Variants in ADCY3 observed in about 807,000 individuals in gnomAD.
ADCY3 encodes the protein adenylate cyclase 3, also known as adenylate cyclase type 3.
Under a neutral mutation model 119.4 loss-of-function variants are expected in ADCY3, and 70 were observed. That is an observed-to-expected ratio of 0.59 (90% confidence interval 0.48 to 0.72). The LOEUF is 0.72. ADCY3 is among the 30% of genes least tolerant of loss of function. The pLI is 0.00. For synonymous variants in ADCY3, 672 were observed against 621.4 expected, an observed-to-expected ratio of 1.08 and a Z score of -1.21; for missense variants, 1,238 against 1,541.6, an observed-to-expected ratio of 0.80 and a Z score of 3.30.
chr2:24,821,171 T>C, intron 20 of ADCY3: 2 of 437,980 alleles, frequency 4.6e-6, no homozygotes, highest in South Asian at 5.9e-5. Context: ...GCAGGTGATC[T>C]TAACTCCTTT....
At chr2:24,843,663 TG>T (rs2148596540) in intron 3 of ADCY3, among the ~76,000 whole-genome samples, 1 of 152,318 alleles carries the variant, frequency 6.6e-6, no homozygotes, top group African/African-American at 2.4e-5. Context: ...TGCCGGTCTC[TG>T]GAACAGGGAA....
intron 8 of ADCY3, among the ~76,000 whole-genome samples, chr2:24,838,123 T>C (rs1317509459): frequency 1.4e-5 from 2 of 140,812 alleles, no homozygotes; most frequent in African/African-American, 5.3e-5. Context: ...CTTCACTCAC[T>C]TCCTCCATGC....
chr2:24,900,921 TG>T (rs1287864095), intron 2 of ADCY3, among the ~76,000 whole-genome samples: 1 of 152,012 alleles, frequency 6.6e-6, no homozygotes, highest in African/African-American at 2.4e-5. Flanking sequence ...AAAAATCAGC[TG>T]GGCGTGGTAG....
chr2:24,868,565 T>C (rs1008678276), intron 3 of ADCY3, among the ~76,000 whole-genome samples: 1 of 151,108 alleles, frequency 6.6e-6, no homozygotes, highest in Admixed American at 6.6e-5. Context: ...ACTCAGGAGG[T>C]AGAGGTTGCA....
At chr2:24,855,194 C>T (rs1445575750) in intron 3 of ADCY3, among the ~76,000 whole-genome samples, 2 of 152,112 alleles carry the variant, frequency 1.3e-5, no homozygotes, top group Non-Finnish European at 2.9e-5. Flanking sequence ...CCCAGGTCCC[C>T]CCCACCCCCT....
intron 21 of ADCY3, 119 bp from the exon 22 acceptor site, chr2:24,820,233 C>A: frequency 8.3e-7 from 1 of 1,204,354 alleles, no homozygotes; most frequent in South Asian, 1.8e-5. Context: ...CAGTACGGGA[C>A]ACTCCCCAAA....
At position 24,894,154 on chromosome 2, in the gene ADCY3, G is replaced by T. The variant is rs142132919; in HGVS notation, c.676-21435C>A. On this transcript the variant is annotated intron_variant, in intron 2 of 21. Coordinates refer to ENST00000679454, the MANE Select transcript of ADCY3 (RefSeq NM_004036.5). Reference sequence around the variant, plus strand: ...GGGACTTAGAGTAAACATTAACTTAGTACAGTCTAGTTCAAATATTCTATT... The same window carrying T: ...GGGACTTAGAGTAAACATTAACTTATTACAGTCTAGTTCAAATATTCTATT... 3.3e-4 allele frequency among the ~76,000 whole-genome samples: 50 copies of T among 152,198 alleles called. No homozygotes were observed. The East Asian group carries it at 9.1e-3, about 28-fold the overall frequency.
At chr2:24,840,101 G>A (rs1572855498) in intron 6 of ADCY3, 70 bp from the exon 7 acceptor site, 8 of 1,544,480 alleles carry the variant, frequency 5.2e-6, no homozygotes, top group South Asian at 3.7e-5. Flanking sequence ...CCCTGCTCCT[G>A]CAGGAGAAAT....
At chr2:24,892,505 C>G (rs1677785613) in intron 2 of ADCY3, among the ~76,000 whole-genome samples, 2 of 152,206 alleles carry the variant, frequency 1.3e-5, no homozygotes. Flanking sequence ...CCCGCCTCGG[C>G]CTCCCAAAGT....
chr2:24,919,166 T>G lies in ADCY3; in HGVS notation c.-179A>C. ...GCAGAGCGGGTTTCCAGAGCACAGG[T>G]AGCACTGATCAGCTAGAACTGAAAA... is the stretch of plus-strand genomic sequence containing the variant. On this transcript the variant is annotated 5_prime_UTR_variant, in exon 2 of 22. Coordinates refer to ENST00000679454, the MANE Select transcript of ADCY3 (RefSeq NM_004036.5). This position sits in a 1 kb window ranked among gnomAD's most constrained non-coding sequence, Gnocchi z 5.5. The G allele has an allele frequency of 1.6e-6, 1 of 623,688 alleles. No homozygotes were observed. Among genetic ancestry groups the G allele is most frequent in the Non-Finnish European group, 2.8e-6 (1 of 359,360 alleles). The allele number at this position is 623,688 out of a possible 1,614,324, so 38.6% of individuals were successfully genotyped here.
intron 2 of ADCY3, among the ~76,000 whole-genome samples, chr2:24,885,281 C>T (rs536256583): frequency 6.6e-6 from 1 of 152,292 alleles, no homozygotes; most frequent in East Asian, 1.9e-4. Context: ...AAAGTGGAAC[C>T]AGAGGCCCAG....
chr2:24,836,959 G>A lies in ADCY3; in HGVS notation c.1620C>T (p.Ser540=), dbSNP rs748747982. 17 of 1,613,800 alleles carry A rather than the reference G, an allele frequency of 1.1e-5. No homozygotes were observed. The highest frequency in any genetic ancestry group is 1.4e-5 in the Non-Finnish European group (16 of 1,180,050). Residue 540 remains serine (S), a synonymous_variant, in exon 9 of 22, where the codon AGC becomes AGT. Transcript: ENST00000679454. Reference sequence around the variant, plus strand: ...CGGGCTTCTCCGACGTGGACCCACTGCTGTGGGCACTCCCGTTGGGCTCCT... The same window carrying A: ...CGGGCTTCTCCGACGTGGACCCACTACTGTGGGCACTCCCGTTGGGCTCCT... ...ETKEPNGSAH[S]SGSTSEKPEE...
In ADCY3 at chr2:24,899,061, A is replaced by G. The variant is rs1034951589; in HGVS notation, c.675+19252T>C. ...TGAATCCCGGTGTCACTGGCTTCCAATGTCCCCCTACCCCTCCCACCTTTT... is the reference window on the plus strand; with the variant it reads ...TGAATCCCGGTGTCACTGGCTTCCAGTGTCCCCCTACCCCTCCCACCTTTT... On this transcript the variant is annotated intron_variant, in intron 2 of 21. Coordinates refer to ENST00000679454, the MANE Select transcript of ADCY3 (RefSeq NM_004036.5). The surrounding 1 kb of genome is among the most constrained non-coding windows in gnomAD (Gnocchi z 4.5). Among the ~76,000 whole-genome samples the G allele has an allele frequency of 6.6e-6, 1 of 151,750 alleles. No homozygotes were observed. The highest frequency in any genetic ancestry group is 1.5e-5 in the Non-Finnish European group (1 of 67,928).
At position 24,918,497 on chromosome 2, in the gene ADCY3, G is replaced by C; in HGVS notation, c.491C>G (p.Ala164Gly). ...YLGLNFARAHAASDTVGWQVF... is the reference protein window; with the variant it reads ...YLGLNFARAHGASDTVGWQVF... ...CTGCCAGCCCACCGTGTCACTAGCC[G>C]CGTGGGCACGCGCGAAGTTCAGGCC... The change falls in exon 2 of 22, where the codon GCG becomes GGG. Residue 164 changes from alanine (A) to glycine (G), a missense_variant. By Grantham distance (60) the Ala-to-Gly change is moderately conservative. Coordinates refer to ENST00000679454, the MANE Select transcript of ADCY3 (RefSeq NM_004036.5). This position sits in a 1 kb window ranked among gnomAD's most constrained non-coding sequence, Gnocchi z 5.4. 6.2e-7 allele frequency: 1 copy of C among 1,614,000 alleles called. No homozygotes were observed. The highest frequency in any genetic ancestry group is 8.5e-7 in the Non-Finnish European group (1 of 1,179,980).
chr2:24,821,303 T>C, intron 20 of ADCY3: 1 of 620,294 alleles, frequency 1.6e-6, no homozygotes, highest in South Asian at 2.0e-5. Flanking sequence ...GTAGGCACAG[T>C]ATAGTCGGAT....
At chr2:24,890,797 C>T (rs150093020) in intron 2 of ADCY3, among the ~76,000 whole-genome samples, 369 of 152,098 alleles carry the variant, frequency 2.4e-3, no homozygotes, top group African/African-American at 8.6e-3. Flanking sequence ...CTGCTTCTTT[C>T]TCTGGATCTA....
At chr2:24,825,737 C>T (rs997396000) in intron 16 of ADCY3, 5 of 367,542 alleles carry the variant, frequency 1.4e-5, no homozygotes, top group African/African-American at 4.2e-5. Context: ...GCCATGAGCC[C>T]CTGGCCTAGG....
intron 3 of ADCY3, among the ~76,000 whole-genome samples, chr2:24,853,556 G>A (rs1558456398): frequency 2.2e-5 from 3 of 137,492 alleles, no homozygotes; most frequent in African/African-American, 8.3e-5. Context: ...TGCAAGCTCC[G>A]CCTCCCAGGT....
intron 2 of ADCY3, among the ~76,000 whole-genome samples, chr2:24,916,325 T>G (rs1336458294): frequency 1.3e-5 from 2 of 152,178 alleles, no homozygotes; most frequent in Non-Finnish European, 2.9e-5. Flanking sequence ...AGCCTCAAAA[T>G]AAGCTCCTTG....
Sources: allele counts gnomAD v4.1 joint callset (sites outside exome capture counted in the v4.1 genomes callset), GRCh38; gene constraint gnomAD v4.1.1; non-coding constraint Gnocchi (gnomAD v3.1); transcripts MANE v1.5; gene names NCBI Gene and HGNC (gene_info 2026-07-23, HGNC 2026-07-21).